The following ZNF782 variants were observed in gnomAD, a reference collection of about 807,000 sequenced individuals.
The protein encoded by ZNF782 is zinc finger protein 782.
In ZNF782, 12 loss-of-function variants were observed where a neutral mutation model predicts 13.0. The ratio of observed to expected loss-of-function variants is 0.92; its 90% CI spans 0.59 to 1.50. The LOEUF (loss-of-function observed/expected upper bound fraction) is 1.50. Ranked by LOEUF, ZNF782 falls within the 40% of genes most tolerant of loss-of-function variation. The pLI is 0.00. For missense variants in ZNF782, 770 were observed against 822.9 expected (o/e 0.94, Z 0.79); for synonymous variants, 284 against 283.0 (o/e 1.00, Z -0.04).
chr9:96,886,388 T>C, the ZNF782 span, among the ~76,000 whole-genome samples: 2 of 152,140 alleles, frequency 1.3e-5, no homozygotes, highest in Non-Finnish European at 2.9e-5. Context: ...GTTTCTTAAA[T>C]GATAATTGAG....
intron 1 of ZNF782, among the ~76,000 whole-genome samples, chr9:96,866,484 T>C (rs942951050): frequency 5.3e-5 from 8 of 152,178 alleles, no homozygotes; most frequent in African/African-American, 9.7e-5. Context: ...AAGGCCTGGA[T>C]GACCAAGCAA....
At chr9:96,901,270 C>CTTTT in the ZNF782 span, among the ~76,000 whole-genome samples, 6 of 126,908 alleles carry the variant, frequency 4.7e-5, no homozygotes, top group African/African-American at 9.2e-5. Context: ...TGAAAAAAAA[C>CTTTT]TTTTTTTTTT....
chr9:96,860,348 C>T (rs1851689400), exon 3 of ZNF782: 1 of 152,436 alleles, frequency 6.6e-6, no homozygotes, highest in Non-Finnish European at 1.5e-5. Flanking sequence ...TCAGGTCTGA[C>T]CCAGTGCTGT....
At chr9:96,825,210 A>C (rs1413646802) in intron 5 of ZNF782, among the ~76,000 whole-genome samples, 1 of 151,672 alleles carries the variant, frequency 6.6e-6, no homozygotes, top group Non-Finnish European at 1.5e-5. Flanking sequence ...AAACAGAGAT[A>C]TAGATCAATG....
At chr9:96,846,825 C>T (rs1389577855) in intron 3 of ZNF782, among the ~76,000 whole-genome samples, 1 of 152,182 alleles carries the variant, frequency 6.6e-6, no homozygotes, top group Non-Finnish European at 1.5e-5. Flanking sequence ...TTAAACAACA[C>T]ACTAGAACAA....
intron 4 of ZNF782, among the ~76,000 whole-genome samples, chr9:96,839,903 A>G (rs1409508858): frequency 1.3e-5 from 2 of 152,180 alleles, no homozygotes; most frequent in African/African-American, 4.8e-5. Flanking sequence ...ACACACTTTT[A>G]GCCAATTAGT....
chr9:96,823,770 T>A (rs1850507201), intron 5 of ZNF782, among the ~76,000 whole-genome samples: 3 of 152,220 alleles, frequency 2.0e-5, no homozygotes, highest in Admixed American at 6.5e-5. Context: ...TCTTAATAGG[T>A]GAATTTAATC....
At chr9:96,872,686 C>T (rs1851841594) in intron 1 of ZNF782, among the ~76,000 whole-genome samples, 1 of 152,094 alleles carries the variant, frequency 6.6e-6, no homozygotes. Context: ...TAATCCATGC[C>T]TCTATGTAAG....
rs536150244 is a variant in ZNF782, at chr9:96,875,221, G to A, written c.-457+247C>T. Reference sequence around the variant, plus strand: ...TCGGTTGTTATTTTTAATGCAGACGGTTATGCCGGCCTCATAGAGTACTTG... The same window carrying A: ...TCGGTTGTTATTTTTAATGCAGACGATTATGCCGGCCTCATAGAGTACTTG... On this transcript the variant is annotated intron_variant, in intron 1 of 5. Coordinates refer to the ZNF782 transcript ENST00000498811. Among the ~76,000 whole-genome samples, 6 of 152,274 alleles carry A rather than the reference G, an allele frequency of 3.9e-5. No individual in the cohort carries two copies. The South Asian group carries it at 1.2e-3, about 32-fold the overall frequency.
chr9:96,837,337 A>G (rs1203400310), intron 4 of ZNF782, among the ~76,000 whole-genome samples: 2 of 152,234 alleles, frequency 1.3e-5, no homozygotes, highest in Non-Finnish European at 2.9e-5. Flanking sequence ...TGTTGTTCAC[A>G]GCATTCCTTT....
upstream of ZNF782, among the ~76,000 whole-genome samples, chr9:96,879,796 T>C (rs1222010546): frequency 1.3e-5 from 2 of 152,260 alleles, no homozygotes; most frequent in African/African-American, 2.4e-5. Flanking sequence ...TTAGCTAATA[T>C]GTAGTATGGT....
the ZNF782 span, among the ~76,000 whole-genome samples, chr9:96,880,780 A>T: frequency 6.6e-6 from 1 of 152,178 alleles, no homozygotes. Flanking sequence ...TGATATCAGC[A>T]TAATGTTGGC....
At chr9:96,882,660 G>T in the ZNF782 span, among the ~76,000 whole-genome samples, 2 of 152,268 alleles carry the variant, frequency 1.3e-5, no homozygotes, top group South Asian at 4.1e-4. Context: ...AGCATCAGTA[G>T]GAAAGAATCA....
At chr9:96,872,114 A>G (rs551409422) in intron 1 of ZNF782, among the ~76,000 whole-genome samples, 1 of 152,366 alleles carries the variant, frequency 6.6e-6, no homozygotes, top group African/African-American at 2.4e-5. Context: ...TCATTTATGG[A>G]GTGCAGAGCT....
chr9:96,931,741 C>T, the ZNF782 span: 29,100 of 1,607,130 alleles, frequency 0.018, 2,622 homozygotes, highest in African/African-American at 0.25. Flanking sequence ...TGCTGGGACC[C>T]GGCGTGACCG....
At chr9:96,929,110 C>T in the ZNF782 span, 1 of 1,608,728 alleles carries the variant, frequency 6.2e-7, no homozygotes, top group East Asian at 2.2e-5. Context: ...CAAATTTGAA[C>T]TGTCCCTGGG....
the ZNF782 span, among the ~76,000 whole-genome samples, chr9:96,930,874 T>TTG: frequency 5.5e-5 from 1 of 18,286 alleles, no homozygotes; most frequent in East Asian, 9.5e-4. Flanking sequence ...ATCCAGTGGT[T>TTG]TTTTTTTTTT....
At chr9:96,838,717 CTTTTT>C (rs139436021) in intron 4 of ZNF782, among the ~76,000 whole-genome samples, 1 of 136,190 alleles carries the variant, frequency 7.3e-6, no homozygotes, top group African/African-American at 2.7e-5. Context: ...TTTTTCTTTT[CTTTTT>C]TTTTTTTTTT....
chr9:96,835,901 AG>A (rs1309644765), intron 4 of ZNF782, among the ~76,000 whole-genome samples: 5 of 152,220 alleles, frequency 3.3e-5, no homozygotes, highest in African/African-American at 9.6e-5. Context: ...GGCAATGCCT[AG>A]TGGAGCTTCA....
Sources: gnomAD v4.1 joint callset for allele counts (sites outside exome capture counted in the v4.1 genomes callset) on GRCh38, gnomAD v4.1.1 for gene constraint, MANE v1.5 for transcripts, NCBI Gene and HGNC (gene_info 2026-07-23, HGNC 2026-07-21) for gene names.